The following RGS5 variants were observed in gnomAD, a reference collection of about 807,000 sequenced individuals.
The protein encoded by RGS5 is regulator of G protein signaling 5.
Under a neutral mutation model 18.9 loss-of-function variants are expected in RGS5, and 20 were observed. That is an observed-to-expected ratio of 1.06 (90% CI 0.74 to 1.54). The LOEUF (loss-of-function observed/expected upper bound fraction) is 1.54. Among genes scored for constraint, RGS5 ranks in the 40% most tolerant of loss-of-function variants. RGS5 has a pLI of 0.00. For missense variants in RGS5, 201 were observed against 211.8 expected (o/e 0.95, Z 0.32); for synonymous variants, 57 against 76.2 (o/e 0.75, Z 1.31).
At chr1:163,211,951 A>G (rs1413496254) in intron 1 of RGS5, 1 of 152,252 alleles carries the variant, frequency 6.6e-6, no homozygotes, top group East Asian at 1.9e-4. Context: ...CCATGTTCTC[A>G]CTACAAATAT....
intron 1 of RGS5, chr1:163,211,227 G>A (rs1395760508): frequency 6.6e-6 from 1 of 152,110 alleles, no homozygotes; most frequent in Non-Finnish European, 1.5e-5. Context: ...GAGGTTAAGG[G>A]TGATTGGAAG....
intron 2 of RGS5, among the ~76,000 whole-genome samples, chr1:163,298,200 C>T (rs549078531): frequency 2.0e-5 from 3 of 152,134 alleles, no homozygotes; most frequent in East Asian, 3.9e-4. Context: ...CATATCACTT[C>T]ATTTGGAGTG....
At chr1:163,273,581 ACTTTC>A (rs1648776787) in intron 2 of RGS5, among the ~76,000 whole-genome samples, 1 of 152,084 alleles carries the variant, frequency 6.6e-6, no homozygotes. Flanking sequence ...TTGCTATCAT[ACTTTC>A]CTTTAATTAT....
At chr1:163,148,631 A>T (rs1343343059) in intron 4 of RGS5, among the ~76,000 whole-genome samples, 1 of 152,206 alleles carries the variant, frequency 6.6e-6, no homozygotes, top group Non-Finnish European at 1.5e-5. Flanking sequence ...TCCAGAGCCC[A>T]GCCTTTTAAC....
In RGS5 at chr1:163,285,908, G is replaced by A. The variant is rs1467894606; in HGVS notation, c.-281+20325C>T. Among the ~76,000 whole-genome samples, 8 of 151,748 alleles carry A rather than the reference G, an allele frequency of 5.3e-5. No homozygotes were observed. In the East Asian group the frequency reaches 5.8e-4, roughly 11 times the overall value. ...TGTACAGCCCACAGAACCATGAGCC[G>A]ATTATATCTCTTTTCTTAATAATAT... is the stretch of plus-strand genomic sequence containing the variant. On this transcript the variant is annotated intron_variant, in intron 2 of 5. Transcript: ENST00000618415.
intron 2 of RGS5, among the ~76,000 whole-genome samples, chr1:163,250,597 G>A (rs1471049256): frequency 6.6e-6 from 1 of 152,202 alleles, no homozygotes; most frequent in Non-Finnish European, 1.5e-5. Flanking sequence ...AAATCTTGAT[G>A]TGAACTTTCA....
At chr1:163,161,876 C>T in intron 3 of RGS5, 39 bp downstream of exon 3, 3 of 1,524,954 alleles carry the variant, frequency 2.0e-6, no homozygotes, top group Middle Eastern at 1.7e-4. Context: ...CTGTCTCTAA[C>T]CTGACCTTTA....
intron 2 of RGS5, among the ~76,000 whole-genome samples, chr1:163,247,808 A>G (rs564130808): frequency 6.6e-6 from 1 of 152,254 alleles, no homozygotes; most frequent in South Asian, 2.1e-4. Context: ...AAGGGATGAG[A>G]AAGGACTCAT....
intron 1 of RGS5, among the ~76,000 whole-genome samples, chr1:163,319,453 A>T (rs1251533302): frequency 6.6e-6 from 1 of 152,266 alleles, no homozygotes; most frequent in Non-Finnish European, 1.5e-5. Context: ...AAGAAAGGGT[A>T]AAGTTTGTGA....
chr1:163,271,125 A>G (rs902635820), intron 2 of RGS5, among the ~76,000 whole-genome samples: 15 of 152,100 alleles, frequency 9.9e-5, no homozygotes, highest in Non-Finnish European at 1.6e-4. Context: ...TCTGTCTCCA[A>G]TCAAGCACTT....
chr1:163,173,442 G>A (rs1325334801), intron 1 of RGS5, among the ~76,000 whole-genome samples: 1 of 152,146 alleles, frequency 6.6e-6, no homozygotes, highest in Non-Finnish European at 1.5e-5. Flanking sequence ...TATGCTGGCT[G>A]GCTGGGAAGT....
intron 2 of RGS5, among the ~76,000 whole-genome samples, chr1:163,251,128 A>G (rs184435456): frequency 1.6e-3 from 237 of 152,262 alleles, no homozygotes; most frequent in African/African-American, 5.3e-3. Context: ...CTCAGGTTAC[A>G]TTTATGTAAG....
At chr1:163,279,785 A>G (rs1648945728) in intron 2 of RGS5, among the ~76,000 whole-genome samples, 1 of 152,066 alleles carries the variant, frequency 6.6e-6, no homozygotes, top group Admixed American at 6.6e-5. Flanking sequence ...TGAGAAAGAA[A>G]AGAGAAGACA....
chr1:163,220,346 A>G (rs1022886454), upstream of RGS5, among the ~76,000 whole-genome samples: 2 of 152,126 alleles, frequency 1.3e-5, no homozygotes, highest in Non-Finnish European at 2.9e-5. Flanking sequence ...ATATCGATAT[A>G]ACACTCATCC....
At chr1:163,250,898 C>T (rs553155279) in intron 2 of RGS5, among the ~76,000 whole-genome samples, 2 of 152,200 alleles carry the variant, frequency 1.3e-5, no homozygotes, top group East Asian at 1.9e-4. Context: ...CTGCACAGAG[C>T]TCAGTTATTG....
At chr1:163,206,691 T>C (rs994764581), upstream of RGS5, 5 of 152,004 alleles carry the variant, frequency 3.3e-5, no homozygotes, top group African/African-American at 4.8e-5. Context: ...TTTTCTGCCA[T>C]GTTAGGAGAC....
intron 1 of RGS5, among the ~76,000 whole-genome samples, chr1:163,200,455 A>T (rs1659733785): frequency 6.6e-6 from 1 of 152,144 alleles, no homozygotes; most frequent in Non-Finnish European, 1.5e-5. Flanking sequence ...AGAAATGCAA[A>T]GACAGGAGCC....
intron 4 of RGS5, among the ~76,000 whole-genome samples, chr1:163,150,997 T>C (rs1297885676): frequency 1.3e-5 from 2 of 152,186 alleles, no homozygotes; most frequent in African/African-American, 2.4e-5. Flanking sequence ...CAAACCTTGA[T>C]GAAACATTTA....
At chr1:163,151,233 C>T (rs1657360242) in intron 4 of RGS5, among the ~76,000 whole-genome samples, 1 of 152,122 alleles carries the variant, frequency 6.6e-6, no homozygotes, top group Non-Finnish European at 1.5e-5. Flanking sequence ...ACATCTCTAA[C>T]ACTGTTTTCT....
Sources: allele counts gnomAD v4.1 joint callset (sites outside exome capture counted in the v4.1 genomes callset), GRCh38; gene constraint gnomAD v4.1.1; transcripts MANE v1.5; gene names NCBI Gene and HGNC (gene_info 2026-07-23, HGNC 2026-07-21).